Variants in DENND1B observed in about 807,000 individuals in gnomAD.
DENND1B encodes DENN domain containing 1B.
Under a neutral mutation model 90.1 loss-of-function variants are expected in DENND1B, and 59 were observed. The ratio of observed to expected loss-of-function variants is 0.65; its 90% CI spans 0.53 to 0.81. The LOEUF is 0.81. Ranked by LOEUF, DENND1B falls within the 40% of genes least tolerant of loss-of-function variation. The pLI is 0.00. For synonymous variants in DENND1B, 337 were observed against 324.6 expected (o/e 1.04, Z -0.41); for missense variants, 862 against 912.6 (o/e 0.94, Z 0.71).
Position 197,504,871 on chromosome 1 carries a change from A to G in DENND1B, c.*5589T>C, listed in dbSNP as rs1350721374. 6 of 151,834 alleles carry G rather than the reference A, an allele frequency of 4.0e-5. No homozygotes were observed. The highest frequency in any genetic ancestry group is 5.9e-5 in the Non-Finnish European group (4 of 67,864). 9.4% of individuals were successfully genotyped at this position (151,834 alleles called of 1,614,324 possible). A position where few individuals can be genotyped will look rare whatever the true frequency, so the allele number is the denominator to read the frequency against. ...TTCCCAAAGCGATGCTTTTATACAC[A>G]TCTTCCCAATAGTAGTCAAGTTTGG... On this transcript the variant is annotated 3_prime_UTR_variant, in exon 23 of 23. Transcript: ENST00000620048.
At chr1:197,771,952 G>C (rs144651563) in intron 2 of DENND1B, among the ~76,000 whole-genome samples, 4 of 152,286 alleles carry the variant, frequency 2.6e-5, no homozygotes, top group Admixed American at 2.6e-4. Flanking sequence ...CAAAAGTGGA[G>C]GGAAATGATG....
intron 16 of DENND1B, among the ~76,000 whole-genome samples, chr1:197,551,929 C>T (rs1671273227): frequency 6.6e-6 from 1 of 152,046 alleles, no homozygotes; most frequent in Non-Finnish European, 1.5e-5. Flanking sequence ...TAACTTTTCC[C>T]CAAGCTAAAT....
intron 2 of DENND1B, among the ~76,000 whole-genome samples, chr1:197,749,151 G>A (rs1180454794): frequency 6.6e-6 from 1 of 151,976 alleles, no homozygotes; most frequent in East Asian, 1.9e-4. Context: ...TGTGACTCAT[G>A]AAACACTATC....
intron 20 of DENND1B, among the ~76,000 whole-genome samples, chr1:197,524,610 T>C (rs1669010912): frequency 6.6e-6 from 1 of 152,138 alleles, no homozygotes; most frequent in Non-Finnish European, 1.5e-5. Context: ...TCTGAATTTG[T>C]AAATAATGGT....
chr1:197,734,105 G>A (rs1662405698), intron 2 of DENND1B: 1 of 963,564 alleles, frequency 1.0e-6, no homozygotes, highest in African/African-American at 1.8e-5. Flanking sequence ...CAATCAAAAT[G>A]CAGAAGTCAA....
intron 15 of DENND1B, among the ~76,000 whole-genome samples, chr1:197,578,127 T>A (rs1411382726): frequency 6.6e-6 from 1 of 152,162 alleles, no homozygotes; most frequent in Non-Finnish European, 1.5e-5. Context: ...AAAGTTTCAG[T>A]TAGACAAGAG....
At chr1:197,742,123 C>G (rs913309290) in intron 2 of DENND1B, among the ~76,000 whole-genome samples, 1 of 152,144 alleles carries the variant, frequency 6.6e-6, no homozygotes, top group East Asian at 1.9e-4. Flanking sequence ...TACCATCTAA[C>G]ATAGCAATCT....
Position 197,580,722 on chromosome 1 carries a change from A to G in DENND1B, c.1149+2430T>C, listed in dbSNP as rs1344158547. 3.9e-5 allele frequency among the ~76,000 whole-genome samples: 6 copies of G among 152,186 alleles called. No individual in the cohort carries two copies. The East Asian group carries it at 1.2e-3, about 30-fold the overall frequency. ...ATGCTTTGGATGTATGAGTTTCCTT[A>G]CAGATCCCCAGGAAACTGACTGAGA... On this transcript the variant is annotated intron_variant, in intron 15 of 22. Transcript: ENST00000620048.
At chr1:197,588,232 A>C (rs1419252371) in intron 14 of DENND1B, among the ~76,000 whole-genome samples, 1 of 152,224 alleles carries the variant, frequency 6.6e-6, no homozygotes, top group African/African-American at 2.4e-5. Context: ...GTTATGGATG[A>C]AATACAGCTG....
intron 10 of DENND1B, among the ~76,000 whole-genome samples, chr1:197,625,857 G>T (rs1263265438): frequency 1.3e-5 from 2 of 151,982 alleles, no homozygotes; most frequent in African/African-American, 4.8e-5. Context: ...ACAAAAAAAG[G>T]CAGAGGTTGC....
At chr1:197,608,500 A>C (rs2125840862) in intron 12 of DENND1B, among the ~76,000 whole-genome samples, 1 of 150,800 alleles carries the variant, frequency 6.6e-6, no homozygotes, top group East Asian at 1.9e-4. Context: ...AGTTACCTAT[A>C]AAGTAACTAT....
intron 15 of DENND1B, among the ~76,000 whole-genome samples, chr1:197,572,146 G>T (rs930828872): frequency 1.3e-5 from 2 of 152,162 alleles, no homozygotes; most frequent in African/African-American, 4.8e-5. Flanking sequence ...GGGGTTGGGG[G>T]ATTTCCCTTT....
chr1:197,695,462 C>T (rs1267558900), intron 3 of DENND1B, among the ~76,000 whole-genome samples: 1 of 150,844 alleles, frequency 6.6e-6, no homozygotes, highest in Non-Finnish European at 1.5e-5. Flanking sequence ...AATTATCTTA[C>T]ATTTACCCAT....
rs186546388 is a variant in DENND1B, at chr1:197,676,208, C to T, written c.127-2039G>A. Among the ~76,000 whole-genome samples the T allele has an allele frequency of 1.3e-4, 20 of 152,122 alleles. No homozygotes were observed. In the East Asian group the frequency reaches 3.7e-3, roughly 28 times the overall value. On this transcript the variant is annotated intron_variant, in intron 3 of 22. Coordinates refer to ENST00000620048, the MANE Select transcript of DENND1B (RefSeq NM_001195215.2). ...AATAGCTGGAAGTCCTACCTAGCTC[C>T]CAGGGCTTGGTTTTCTTCCTTAATT...
intron 3 of DENND1B, chr1:197,685,869 C>T (rs1378618802): frequency 6.6e-6 from 1 of 152,020 alleles, no homozygotes; most frequent in Non-Finnish European, 1.5e-5. Flanking sequence ...GAAGACCAAC[C>T]TCTTGGAATA....
chr1:197,679,849 G>A (rs1443751943), intron 3 of DENND1B, among the ~76,000 whole-genome samples: 1 of 101,460 alleles, frequency 9.9e-6, no homozygotes, highest in African/African-American at 3.8e-5. Flanking sequence ...ATTAAAAACT[G>A]TCTTCAAAGT....
At chr1:197,573,108 T>A (rs1673330963) in intron 15 of DENND1B, among the ~76,000 whole-genome samples, 2 of 152,214 alleles carry the variant, frequency 1.3e-5, no homozygotes, top group African/African-American at 4.8e-5. Flanking sequence ...ATTCATTAAT[T>A]TTTTGAAGGG....
intron 2 of DENND1B, among the ~76,000 whole-genome samples, chr1:197,721,798 A>C (rs1217058058): frequency 6.6e-6 from 1 of 152,174 alleles, no homozygotes; most frequent in African/African-American, 2.4e-5. Context: ...AAATACCACC[A>C]AAATGTTTTT....
At chr1:197,742,431 AG>A (rs1267592309) in intron 2 of DENND1B, among the ~76,000 whole-genome samples, 2 of 152,194 alleles carry the variant, frequency 1.3e-5, no homozygotes, top group Non-Finnish European at 2.9e-5. Flanking sequence ...CCAATCTTGC[AG>A]TCTAGCTGGC....
Sources: gnomAD v4.1 joint callset for allele counts (sites outside exome capture counted in the v4.1 genomes callset) on GRCh38, gnomAD v4.1.1 for gene constraint, MANE v1.5 for transcripts, NCBI Gene and HGNC (gene_info 2026-07-23, HGNC 2026-07-21) for gene names.